CLIC5: variants seen among roughly 807,000 people sequenced by gnomAD.
CLIC5 encodes CLIC family member 5.
In CLIC5, 20 loss-of-function variants were observed where a neutral mutation model predicts 24.7. The observed-to-expected ratio is 0.81, with a 90% CI of 0.57 to 1.18. The LOEUF is 1.18. CLIC5 is among the 50% of genes most tolerant of loss of function. The probability of loss-of-function intolerance (pLI) is 0.00; values close to 1 mark genes in which losing one functional copy is unlikely to be tolerated. For missense variants in CLIC5, 341 were observed against 326.1 expected, an observed-to-expected ratio of 1.05 and a Z score of -0.35; for synonymous variants, 159 against 135.6, an observed-to-expected ratio of 1.17 and a Z score of -1.20.
chr6:46,091,286 T>C, the CLIC5 span, among the ~76,000 whole-genome samples: 3 of 152,220 alleles, frequency 2.0e-5, no homozygotes, highest in Non-Finnish European at 4.4e-5. Flanking sequence ...CACCACCATG[T>C]TACTCTCAGT....
At chr6:46,037,593 G>T (rs767707549) in intron 1 of CLIC5, among the ~76,000 whole-genome samples, 3 of 152,196 alleles carry the variant, frequency 2.0e-5, no homozygotes, top group Non-Finnish European at 4.4e-5. Context: ...ATTTGGGTAT[G>T]AAGTAAGATA....
intron 1 of CLIC5, among the ~76,000 whole-genome samples, chr6:45,967,523 C>T (rs997305541): frequency 1.4e-4 from 22 of 152,120 alleles, no homozygotes; most frequent in Admixed American, 2.6e-4. Context: ...GCAGGTAAGG[C>T]CATCCAGGCA....
chr6:46,005,949 G>T (rs1184618144), intron 1 of CLIC5, among the ~76,000 whole-genome samples: 2 of 143,516 alleles, frequency 1.4e-5, no homozygotes, highest in South Asian at 2.2e-4. Flanking sequence ...TGTCATAGCA[G>T]CTCAAAGAGA....
intron 3 of CLIC5, among the ~76,000 whole-genome samples, chr6:45,948,061 C>T (rs776728087): frequency 1.3e-5 from 2 of 152,170 alleles, no homozygotes; most frequent in Non-Finnish European, 2.9e-5. Context: ...GACTTACTCT[C>T]TCCCTGTCCT....
the CLIC5 span, among the ~76,000 whole-genome samples, chr6:46,126,882 T>C: frequency 2.0e-5 from 3 of 152,204 alleles, no homozygotes; most frequent in Non-Finnish European, 4.4e-5. Context: ...GAGTTATACA[T>C]CACAATTAGG....
intron 1 of CLIC5, among the ~76,000 whole-genome samples, chr6:45,989,862 G>T (rs1209083397): frequency 6.6e-6 from 1 of 152,138 alleles, no homozygotes; most frequent in Non-Finnish European, 1.5e-5. Context: ...TAAACTCTGG[G>T]TCTAACTCCT....
At chr6:46,056,204 G>C (rs899997439) in intron 1 of CLIC5, among the ~76,000 whole-genome samples, 127 of 152,288 alleles carry the variant, frequency 8.3e-4, no homozygotes, top group African/African-American at 3.0e-3. Flanking sequence ...TATGAGCCCT[G>C]TCTGCCCACC....
intron 1 of CLIC5, among the ~76,000 whole-genome samples, chr6:46,028,537 T>TATA (rs1369478923): frequency 6.6e-6 from 1 of 152,254 alleles, no homozygotes; most frequent in Non-Finnish European, 1.5e-5. Flanking sequence ...ACCTCCCATT[T>TATA]ATCAGTATTT....
Position 46,015,854 on chromosome 6 carries a change from T to G in CLIC5, c.-312A>C. The G allele has an allele frequency of 1.8e-6, 2 of 1,099,622 alleles. No individual in the cohort carries two copies. Among genetic ancestry groups the G allele is most frequent in the East Asian group, 5.2e-5 (1 of 19,158 alleles). 68.1% of individuals were successfully genotyped at this position (1,099,622 alleles called of 1,614,324 possible). A position where few individuals can be genotyped will look rare whatever the true frequency, so the allele number is the denominator to read the frequency against. On this transcript the variant is annotated 5_prime_UTR_variant, in exon 1 of 6. Coordinates refer to ENST00000339561, the MANE Select transcript of CLIC5 (RefSeq NM_016929.5). ...CCGGAGGTGTCACAGGATCCGCGAC[T>G]GTCAGCGATCCCGCCGCCGCCAACG...
chr6:46,009,953 T>C (rs1035726972), intron 1 of CLIC5, among the ~76,000 whole-genome samples: 1 of 152,162 alleles, frequency 6.6e-6, no homozygotes, highest in Non-Finnish European at 1.5e-5. Context: ...TGGGCTCTAG[T>C]GGGCTCCAGC....
At chr6:45,925,896 G>C (rs376916409) in intron 4 of CLIC5, among the ~76,000 whole-genome samples, 3 of 152,150 alleles carry the variant, frequency 2.0e-5, no homozygotes, top group African/African-American at 7.2e-5. Flanking sequence ...TTTGTTATCA[G>C]AGCCAAGAGA....
chr6:45,970,006 T>C (rs1765145417), intron 1 of CLIC5, among the ~76,000 whole-genome samples: 1 of 152,162 alleles, frequency 6.6e-6, no homozygotes. Flanking sequence ...GCGCAGTGCC[T>C]GGCAGAAAGC....
chr6:45,912,758 A>G (rs961510166), intron 5 of CLIC5: 4 of 1,493,286 alleles, frequency 2.7e-6, no homozygotes, highest in Middle Eastern at 1.7e-4. Flanking sequence ...AAGAAGAATA[A>G]AGGATGATGG....
At chr6:45,936,439 C>A (rs149828832) in intron 4 of CLIC5, among the ~76,000 whole-genome samples, 3,210 of 151,940 alleles carry the variant, frequency 0.021, 123 homozygotes, top group African/African-American at 0.074. Flanking sequence ...TCCCAACCTC[C>A]GGTCATCTGC....
chr6:46,108,401 T>A, the CLIC5 span, among the ~76,000 whole-genome samples: 64,642 of 141,208 alleles, frequency 0.46, 15,800 homozygotes, highest in Middle Eastern at 0.67. Flanking sequence ...TGTGTGTGTG[T>A]GAGAGAGAGA....
chr6:46,081,354 G>T (rs1163285764), upstream of CLIC5, among the ~76,000 whole-genome samples: 1 of 152,154 alleles, frequency 6.6e-6, no homozygotes, highest in African/African-American at 2.4e-5. Context: ...TTAATGTCTA[G>T]AAATCATGTG....
chr6:45,923,200 G>GT (rs1342954185), intron 4 of CLIC5, among the ~76,000 whole-genome samples: 1 of 152,172 alleles, frequency 6.6e-6, no homozygotes, highest in Non-Finnish European at 1.5e-5. Flanking sequence ...AAATCTGTGA[G>GT]TTTTTTTATG....
intron 4 of CLIC5, among the ~76,000 whole-genome samples, chr6:45,926,621 A>T (rs1484635441): frequency 1.3e-5 from 2 of 152,112 alleles, no homozygotes; most frequent in Non-Finnish European, 2.9e-5. Flanking sequence ...GGGTCTTAGA[A>T]AAATAATTTG....
chr6:46,114,832 A>G, the CLIC5 span, among the ~76,000 whole-genome samples: 8 of 152,194 alleles, frequency 5.3e-5, no homozygotes, highest in Non-Finnish European at 7.3e-5. Flanking sequence ...TCTGAGGGCT[A>G]CAGAAGCAGC....
Sources: allele counts gnomAD v4.1 joint callset (sites outside exome capture counted in the v4.1 genomes callset), GRCh38; gene constraint gnomAD v4.1.1; transcripts MANE v1.5; gene names NCBI Gene and HGNC (gene_info 2026-07-23, HGNC 2026-07-21).